SNW1: variants seen among roughly 807,000 people sequenced by gnomAD.
The protein encoded by SNW1 is SNW domain containing 1.
In SNW1, 9 loss-of-function variants were observed where a neutral mutation model predicts 75.6. That is an observed-to-expected ratio of 0.12 (90% CI 0.07 to 0.21). The LOEUF (loss-of-function observed/expected upper bound fraction) is 0.21, where lower values mean the gene tolerates loss of function less well. Ranked by LOEUF, SNW1 falls within the 10% of genes least tolerant of loss-of-function variation. The pLI, the probability that SNW1 is intolerant of heterozygous loss-of-function variation, is 1.00. For synonymous variants in SNW1, 200 were observed against 219.1 expected, an observed-to-expected ratio of 0.91 and a Z score of 0.77; for missense variants, 409 against 670.9, an observed-to-expected ratio of 0.61 and a Z score of 4.31.
rs1331420352 is a variant in SNW1, at chr14:77,738,840, C to G, written c.471G>C (p.Gln157His). 1 of 1,614,198 alleles carries G rather than the reference C, an allele frequency of 6.2e-7. No homozygotes were observed. The highest frequency in any genetic ancestry group is 8.5e-7 in the Non-Finnish European group (1 of 1,180,032). ...GAACTGGCATGGCTGCGGCGACCTTCTGTGATACAGATTTTTCTAAGGCTA... is the reference window on the plus strand; with the variant it reads ...GAACTGGCATGGCTGCGGCGACCTTGTGTGATACAGATTTTTCTAAGGCTA... ...TRVALEKSVSQKVAAAMPVRA... is the reference protein window; with the variant it reads ...TRVALEKSVSHKVAAAMPVRA... Residue 157 changes from glutamine (Q) to histidine (H), a missense_variant, in exon 5 of 14, where the codon CAG becomes CAC. Physicochemically the swap from Gln to His is conservative, Grantham distance 24. Coordinates refer to ENST00000261531, the MANE Select transcript of SNW1 (RefSeq NM_012245.3).
intron 10 of SNW1, among the ~76,000 whole-genome samples, chr14:77,730,563 G>T (rs547416912): frequency 6.6e-6 from 1 of 152,276 alleles, no homozygotes; most frequent in South Asian, 2.1e-4. Context: ...AAGTCAGAGA[G>T]AAAATACTGG....
At chr14:77,758,247 G>A (rs2080857865) in intron 1 of SNW1, among the ~76,000 whole-genome samples, 1 of 148,126 alleles carries the variant, frequency 6.8e-6, no homozygotes, top group South Asian at 2.2e-4. Flanking sequence ...GAACCTGGGA[G>A]GTGGAGTTTG....
chr14:77,719,920 C>T (rs572656763), intron 12 of SNW1, among the ~76,000 whole-genome samples: 15 of 152,346 alleles, frequency 9.8e-5, no homozygotes, highest in African/African-American at 2.6e-4. Flanking sequence ...GTAGAACTTA[C>T]ACTTCTGTAT....
At chr14:77,737,261 C>G (rs1020507047) in intron 5 of SNW1, among the ~76,000 whole-genome samples, 186 bp from the exon 6 acceptor site, 7 of 152,128 alleles carry the variant, frequency 4.6e-5, no homozygotes, top group African/African-American at 1.7e-4. Flanking sequence ...TTATGAGTTA[C>G]AGTCAAAATA....
intron 12 of SNW1, among the ~76,000 whole-genome samples, chr14:77,719,076 G>T (rs1169119189): frequency 6.6e-6 from 1 of 152,094 alleles, no homozygotes; most frequent in Admixed American, 6.5e-5. Flanking sequence ...ACCATGTCCA[G>T]CTAATTTTTT....
At chr14:77,744,836 C>T (rs1245631943) in intron 3 of SNW1, among the ~76,000 whole-genome samples, 1 of 152,078 alleles carries the variant, frequency 6.6e-6, no homozygotes, top group African/African-American at 2.4e-5. Flanking sequence ...GAGAAATGCA[C>T]CAAAACAAAG....
intron 10 of SNW1, among the ~76,000 whole-genome samples, chr14:77,723,749 G>A (rs1010878873): frequency 1.3e-5 from 2 of 151,992 alleles, no homozygotes; most frequent in Non-Finnish European, 2.9e-5. Flanking sequence ...CTGCCTCCCG[G>A]GTTCAAGCGA....
In SNW1 at chr14:77,732,587, T is replaced by C; in HGVS notation, c.789A>G (p.Pro263=). 6.3e-7 allele frequency: 1 copy of C among 1,596,820 alleles called. No homozygotes were observed. The highest frequency in any genetic ancestry group is 8.6e-7 in the Non-Finnish European group (1 of 1,164,990). ...CATCAGCAGCCAGACGTTTGTCTAATGGAATTGTATAACCCTAGAGTGAAA... is the reference window on the plus strand; with the variant it reads ...CATCAGCAGCCAGACGTTTGTCTAACGGAATTGTATAACCCTAGAGTGAAA... ...NWKNAKGYTI[P]LDKRLAADGR... is the part of the protein sequence containing the mutation. Residue 263 remains proline (P), a synonymous_variant, in exon 9 of 14, where the codon CCA becomes CCG. Transcript: ENST00000261531.
At chr14:77,754,095 A>C (rs2139933121) in intron 2 of SNW1, among the ~76,000 whole-genome samples, 1 of 150,900 alleles carries the variant, frequency 6.6e-6, no homozygotes, top group Non-Finnish European at 1.5e-5. Flanking sequence ...CCCAGGCTGG[A>C]GTGCAATGGT....
intron 10 of SNW1, among the ~76,000 whole-genome samples, 165 bp from the exon 11 acceptor site, chr14:77,723,442 T>C (rs1444915272): frequency 6.6e-6 from 1 of 152,170 alleles, no homozygotes; most frequent in African/African-American, 2.4e-5. Context: ...CACTACCTCC[T>C]GGATTCAAGT....
At chr14:77,727,626 C>CA (rs1164786258) in intron 10 of SNW1, among the ~76,000 whole-genome samples, 1 of 152,074 alleles carries the variant, frequency 6.6e-6, no homozygotes, top group Non-Finnish European at 1.5e-5. Context: ...AATGCTTTTT[C>CA]AGTTTCTACT....
chr14:77,734,546 T>C (rs1470411909), intron 8 of SNW1, among the ~76,000 whole-genome samples: 4 of 152,200 alleles, frequency 2.6e-5, no homozygotes, highest in Non-Finnish European at 4.4e-5. Flanking sequence ...AAGACCAACC[T>C]GGCCAACAGG....
chr14:77,741,311 C>T (rs964477389), intron 3 of SNW1, among the ~76,000 whole-genome samples: 6 of 151,910 alleles, frequency 3.9e-5, no homozygotes, highest in African/African-American at 7.3e-5. Context: ...CCCAGGAATT[C>T]GAGACCAGCC....
At chr14:77,720,934 C>T (rs987111604) in intron 11 of SNW1, 106 bp from the exon 12 acceptor site, 22 of 738,766 alleles carry the variant, frequency 3.0e-5, no homozygotes, top group Non-Finnish European at 3.8e-5. Context: ...GAATATGTCA[C>T]ATTCACATCT....
At chr14:77,751,221 T>G (rs1594807832) in intron 3 of SNW1, 98 bp downstream of exon 3, 1 of 1,299,946 alleles carries the variant, frequency 7.7e-7, no homozygotes, top group East Asian at 2.4e-5. Flanking sequence ...CCACTGCTAC[T>G]TTTAACATAA....
At chr14:77,749,009 G>T (rs544629140) in intron 3 of SNW1, among the ~76,000 whole-genome samples, 1 of 152,304 alleles carries the variant, frequency 6.6e-6, no homozygotes, top group South Asian at 2.1e-4. Context: ...ATAGCAGGTA[G>T]ATTAAGTGGA....
chr14:77,746,005 CAG>C (rs2080758095), intron 3 of SNW1, among the ~76,000 whole-genome samples: 1 of 152,216 alleles, frequency 6.6e-6, no homozygotes. Flanking sequence ...GCCTGGGTGA[CAG>C]AGCAAGACTG....
chr14:77,754,040 A>C (rs72687228), intron 2 of SNW1, among the ~76,000 whole-genome samples: 25,483 of 151,480 alleles, frequency 0.17, 2,451 homozygotes, highest in Non-Finnish European at 0.23. Flanking sequence ...TGTTCTTTTT[A>C]TTTTTATTTT....
chr14:77,744,072 G>A (rs2080739224), intron 3 of SNW1, among the ~76,000 whole-genome samples: 1 of 151,422 alleles, frequency 6.6e-6, no homozygotes, highest in South Asian at 2.1e-4. Flanking sequence ...ACTTTGGGAG[G>A]TTGCAGTGAG....
Sources: allele counts gnomAD v4.1 joint callset (sites outside exome capture counted in the v4.1 genomes callset), GRCh38; gene constraint gnomAD v4.1.1; transcripts MANE v1.5; gene names NCBI Gene and HGNC (gene_info 2026-07-23, HGNC 2026-07-21).